CDS2: variants seen among roughly 807,000 people sequenced by gnomAD.
The protein encoded by CDS2 is phosphatidate cytidylyltransferase 2.
CDS2 carries 47 observed loss-of-function variants against 59.0 expected under a neutral mutation model. That is an observed-to-expected ratio of 0.80 (90% CI 0.63 to 1.02). The LOEUF (loss-of-function observed/expected upper bound fraction) is 1.02, where lower values mean the gene tolerates loss of function less well. Ranked by LOEUF, CDS2 falls within the 50% of genes least tolerant of loss-of-function variation. CDS2 has a pLI of 0.00. For missense variants in CDS2, 356 were observed against 558.9 expected (o/e 0.64, Z 3.66); for synonymous variants, 207 against 206.4 (o/e 1.00, Z -0.02).
chr20:5,190,401 A>G lies in CDS2; in HGVS notation c.*167A>G, dbSNP rs2091105199. On this transcript the variant is annotated 3_prime_UTR_variant, in exon 13 of 13. Coordinates refer to ENST00000460006, the MANE Select transcript of CDS2 (RefSeq NM_003818.4). ...GTGGGTTCAAAAAATCTGTATATAC[A>G]GTCTATGTGTTTAGAATTTGTGTTG... 1 of 539,706 alleles carries G rather than the reference A, an allele frequency of 1.9e-6. No individual in the cohort carries two copies. The highest frequency in any genetic ancestry group is 2.0e-5 in the African/African-American group (1 of 51,278). The allele number at this position is 539,706 out of a possible 1,614,324, so 33.4% of individuals were successfully genotyped here.
intron 1 of CDS2, among the ~76,000 whole-genome samples, chr20:5,133,130 C>T (rs1322775156): frequency 6.6e-6 from 1 of 151,538 alleles, no homozygotes; most frequent in African/African-American, 2.4e-5. Flanking sequence ...AGCCGAGATC[C>T]CACCACTGCA....
At chr20:5,152,938 C>G (rs145696840) in intron 1 of CDS2, among the ~76,000 whole-genome samples, 78 of 152,292 alleles carry the variant, frequency 5.1e-4, no homozygotes, top group African/African-American at 1.9e-3. Context: ...TTGTACCACA[C>G]GGGCATTGTT....
chr20:5,168,411 TC>T (rs1234628057), intron 1 of CDS2, among the ~76,000 whole-genome samples: 2 of 80,114 alleles, frequency 2.5e-5, no homozygotes, highest in Non-Finnish European at 4.8e-5. Context: ...CAAGACTCTG[TC>T]CCCCCAAAAA....
intron 5 of CDS2, among the ~76,000 whole-genome samples, chr20:5,181,043 T>C (rs1331344484): frequency 2.0e-5 from 3 of 152,042 alleles, no homozygotes; most frequent in African/African-American, 7.3e-5. Flanking sequence ...CCTACACAAA[T>C]AGTACAACTA....
At chr20:5,130,724 G>C (rs1472646568) in intron 1 of CDS2, among the ~76,000 whole-genome samples, 3 of 151,364 alleles carry the variant, frequency 2.0e-5, no homozygotes, top group African/African-American at 4.9e-5. Flanking sequence ...CAGAGGTTCC[G>C]GTGAGCCGAG....
intron 1 of CDS2, among the ~76,000 whole-genome samples, chr20:5,159,112 C>T (rs913000677): frequency 1.2e-4 from 18 of 151,870 alleles, no homozygotes; most frequent in Admixed American, 1.1e-3. Flanking sequence ...ACAAACTTGA[C>T]TAAATTTTGT....
intron 9 of CDS2, among the ~76,000 whole-genome samples, chr20:5,186,427 C>T (rs2091068166): frequency 1.3e-5 from 2 of 152,126 alleles, no homozygotes; most frequent in Non-Finnish European, 2.9e-5. Flanking sequence ...GTTCTTTGCC[C>T]CAGTCCCTTC....
intron 1 of CDS2, among the ~76,000 whole-genome samples, chr20:5,150,018 C>T (rs1334954768): frequency 2.0e-5 from 3 of 152,086 alleles, no homozygotes; most frequent in South Asian, 2.1e-4. Context: ...CCTGGCCCTC[C>T]TAGTATTTTT....
intron 1 of CDS2, 128 bp from the exon 2 acceptor site, chr20:5,173,395 C>G (rs1235809640): frequency 9.7e-7 from 1 of 1,029,350 alleles, no homozygotes; most frequent in Non-Finnish European, 1.5e-6. Flanking sequence ...GTCCCATCAC[C>G]TGACTGTGCC....
intron 1 of CDS2, among the ~76,000 whole-genome samples, chr20:5,150,961 T>C (rs778700493): frequency 6.6e-5 from 10 of 152,220 alleles, no homozygotes; most frequent in Non-Finnish European, 1.3e-4. Flanking sequence ...GGAGCCACCT[T>C]CTGACTTGGT....
chr20:5,162,979 A>T (rs1033832386), intron 1 of CDS2, among the ~76,000 whole-genome samples: 13 of 152,222 alleles, frequency 8.5e-5, no homozygotes, highest in African/African-American at 3.1e-4. Context: ...GATGCACTTT[A>T]GTCTCCAGAG....
chr20:5,129,587 C>T (rs889344086), intron 1 of CDS2, among the ~76,000 whole-genome samples: 1 of 151,942 alleles, frequency 6.6e-6, no homozygotes, highest in Non-Finnish European at 1.5e-5. Flanking sequence ...GGACTGCAGG[C>T]GTGTGCTACC....
intron 10 of CDS2, 46 bp from the exon 11 acceptor site, chr20:5,189,021 C>G (rs755641509): frequency 6.2e-6 from 10 of 1,612,074 alleles, no homozygotes; most frequent in Non-Finnish European, 7.6e-6. Flanking sequence ...AACCGTAACA[C>G]TGGGCATGTA....
chr20:5,179,259 C>T (rs1388510476), intron 5 of CDS2, among the ~76,000 whole-genome samples: 1 of 151,986 alleles, frequency 6.6e-6, no homozygotes, highest in Non-Finnish European at 1.5e-5. Context: ...GTAGCTGGGA[C>T]TACAGGTGCC....
intron 1 of CDS2, among the ~76,000 whole-genome samples, chr20:5,130,731 C>T (rs1160880386): frequency 1.3e-5 from 2 of 150,356 alleles, no homozygotes; most frequent in East Asian, 2.0e-4. Context: ...TCCGGTGAGC[C>T]GAGATTGCGC....
intron 5 of CDS2, among the ~76,000 whole-genome samples, chr20:5,181,305 C>T (rs1226719778): frequency 1.3e-5 from 2 of 152,174 alleles, no homozygotes; most frequent in Admixed American, 1.3e-4. Flanking sequence ...CCAAAGTCAG[C>T]CAATCAGTGC....
Position 5,192,164 on chromosome 20 carries a change from G to T in CDS2, c.*1930G>T, listed in dbSNP as rs2091120680. ...GGATCACCAAACTAGATACCGAAAGGGCTCCTCATTTGTCTCTTTTGTCCC... is the reference window on the plus strand; with the variant it reads ...GGATCACCAAACTAGATACCGAAAGTGCTCCTCATTTGTCTCTTTTGTCCC... On this transcript the variant is annotated 3_prime_UTR_variant, in exon 13 of 13. Coordinates refer to ENST00000460006, the MANE Select transcript of CDS2 (RefSeq NM_003818.4). The T allele has an allele frequency of 6.6e-6, 1 of 152,230 alleles. No individual in the cohort carries two copies. Among genetic ancestry groups the T allele is most frequent in the South Asian group, 2.1e-4 (1 of 4,830 alleles). The allele number at this position is 152,230 out of a possible 1,614,324, so 9.4% of individuals were successfully genotyped here.
At chr20:5,150,721 G>A (rs996871599) in intron 1 of CDS2, among the ~76,000 whole-genome samples, 35 of 152,134 alleles carry the variant, frequency 2.3e-4, no homozygotes, top group African/African-American at 6.8e-4. Flanking sequence ...CATTCCTGAC[G>A]CTCCCACCCC....
chr20:5,163,626 T>G (rs2090891807), intron 1 of CDS2, among the ~76,000 whole-genome samples: 1 of 152,186 alleles, frequency 6.6e-6, no homozygotes, highest in Non-Finnish European at 1.5e-5. Flanking sequence ...AAATCACTTT[T>G]TGTTTATTAT....
Sources: gnomAD v4.1 joint callset for allele counts (sites outside exome capture counted in the v4.1 genomes callset) on GRCh38, gnomAD v4.1.1 for gene constraint, MANE v1.5 for transcripts, NCBI Gene and HGNC (gene_info 2026-07-23, HGNC 2026-07-21) for gene names.